Variants in OR6N1 observed in about 807,000 individuals in gnomAD.
The protein encoded by OR6N1 is olfactory receptor 6N1.
For missense variants in OR6N1, 394 were observed against 371.7 expected (o/e 1.06, Z -0.49); for synonymous variants, 170 against 150.7 (o/e 1.13, Z -0.94).
chr1:158,811,360 T>A, the OR6N1 span, among the ~76,000 whole-genome samples: 1 of 152,090 alleles, frequency 6.6e-6, no homozygotes. Context: ...TGTCAAATAC[T>A]CTCTATTTGC....
At chr1:158,769,131 A>G (rs753702649) in intron 1 of OR6N1, among the ~76,000 whole-genome samples, 1 of 152,130 alleles carries the variant, frequency 6.6e-6, no homozygotes, top group Non-Finnish European at 1.5e-5. Context: ...ATATGGAGAT[A>G]AATCAGGAAA....
At chr1:158,826,518 GATAA>G in the OR6N1 span, among the ~76,000 whole-genome samples, 2 of 152,052 alleles carry the variant, frequency 1.3e-5, no homozygotes, top group Non-Finnish European at 2.9e-5. Flanking sequence ...ACACAAAGAA[GATAA>G]ATAATTAATG....
chr1:158,770,326 G>A (rs780784119), intron 1 of OR6N1, among the ~76,000 whole-genome samples: 4 of 152,056 alleles, frequency 2.6e-5, no homozygotes, highest in Admixed American at 6.6e-5. Context: ...ATCAGGATCC[G>A]ATCAAGTATT....
chr1:158,767,890 C>T (rs913774142), intron 1 of OR6N1, among the ~76,000 whole-genome samples: 7 of 152,190 alleles, frequency 4.6e-5, no homozygotes, highest in Admixed American at 2.0e-4. Context: ...TCCATTAAAA[C>T]CTCCTTTCTC....
the OR6N1 span, among the ~76,000 whole-genome samples, chr1:158,822,952 A>G: frequency 6.6e-6 from 1 of 152,118 alleles, no homozygotes; most frequent in Non-Finnish European, 1.5e-5. Context: ...CTCTTTCTTC[A>G]TCTATTGAGA....
chr1:158,780,293 G>A, the OR6N1 span, among the ~76,000 whole-genome samples: 1 of 152,220 alleles, frequency 6.6e-6, no homozygotes. Flanking sequence ...CCAACTGTAT[G>A]TGTAGAACAA....
the OR6N1 span, among the ~76,000 whole-genome samples, chr1:158,807,660 A>G: frequency 2.0e-5 from 3 of 152,242 alleles, no homozygotes; most frequent in Admixed American, 6.5e-5. Flanking sequence ...GCAACTTTAT[A>G]CAAGTTAACA....
the OR6N1 span, among the ~76,000 whole-genome samples, chr1:158,819,476 T>C: frequency 1.3e-5 from 2 of 152,196 alleles, no homozygotes; most frequent in African/African-American, 4.8e-5. Flanking sequence ...TAAAGTTTTT[T>C]TTGAACTATG....
chr1:158,827,713 A>G, the OR6N1 span, among the ~76,000 whole-genome samples: 36 of 152,236 alleles, frequency 2.4e-4, no homozygotes, highest in Admixed American at 6.5e-4. Context: ...TTTATGAGAT[A>G]AAATCATTAT....
chr1:158,814,461 C>A, the OR6N1 span, among the ~76,000 whole-genome samples: 1 of 152,178 alleles, frequency 6.6e-6, no homozygotes, highest in Admixed American at 6.5e-5. Context: ...GCTGCTGTAA[C>A]AAACTACCGC....
the OR6N1 span, among the ~76,000 whole-genome samples, chr1:158,796,497 G>A: frequency 3.9e-5 from 6 of 151,998 alleles, no homozygotes; most frequent in East Asian, 1.9e-4. Context: ...GATCCATTCC[G>A]CTGTTGAGAG....
At chr1:158,818,452 G>A in the OR6N1 span, among the ~76,000 whole-genome samples, 3 of 152,214 alleles carry the variant, frequency 2.0e-5, no homozygotes, top group African/African-American at 7.2e-5. Context: ...TCCCCCTATT[G>A]ATGTAGTCAG....
the OR6N1 span, among the ~76,000 whole-genome samples, chr1:158,780,172 T>C: frequency 0.017 from 2,582 of 152,292 alleles, 76 homozygotes; most frequent in African/African-American, 0.059. Flanking sequence ...CCTATCATTG[T>C]TCCCACTGAC....
the OR6N1 span, among the ~76,000 whole-genome samples, chr1:158,837,161 G>A: frequency 3.9e-4 from 59 of 151,844 alleles, no homozygotes; most frequent in Non-Finnish European, 7.1e-4. Flanking sequence ...TGTGAAAAAT[G>A]TGTATTCTAC....
chr1:158,819,955 G>A, the OR6N1 span, among the ~76,000 whole-genome samples: 8 of 152,186 alleles, frequency 5.3e-5, no homozygotes, highest in African/African-American at 1.9e-4. Flanking sequence ...TGTGGAATGG[G>A]AAATCAGGGG....
intron 1 of OR6N1, among the ~76,000 whole-genome samples, chr1:158,768,335 A>G (rs1657329881): frequency 6.6e-6 from 1 of 152,152 alleles, no homozygotes; most frequent in African/African-American, 2.4e-5. Context: ...TCGAAGAGCC[A>G]TCTCAAACTG....
At chr1:158,823,275 A>G in the OR6N1 span, among the ~76,000 whole-genome samples, 40 of 152,260 alleles carry the variant, frequency 2.6e-4, no homozygotes, top group African/African-American at 9.6e-4. Flanking sequence ...AATAATTTCA[A>G]TAGAAATGGT....
chr1:158,835,352 A>G, the OR6N1 span, among the ~76,000 whole-genome samples: 1 of 152,072 alleles, frequency 6.6e-6, no homozygotes, highest in African/African-American at 2.4e-5. Flanking sequence ...GTATTTTACT[A>G]CTTTAAGCTA....
At chr1:158,784,754 A>T in the OR6N1 span, among the ~76,000 whole-genome samples, 1 of 152,156 alleles carries the variant, frequency 6.6e-6, no homozygotes, top group African/African-American at 2.4e-5. Flanking sequence ...ACAGGACTTC[A>T]TTCTTTTTTA....
Sources: allele counts gnomAD v4.1 joint callset (sites outside exome capture counted in the v4.1 genomes callset), GRCh38; gene constraint gnomAD v4.1.1; transcripts MANE v1.5; gene names NCBI Gene and HGNC (gene_info 2026-07-23, HGNC 2026-07-21).